PTCHD4: variants seen among roughly 807,000 people sequenced by gnomAD.
The protein encoded by PTCHD4 is patched domain-containing protein 4.
A neutral mutation model predicts 58.1 loss-of-function variants in PTCHD4; 33 were observed. The observed-to-expected ratio is 0.57, with a 90% confidence interval of 0.43 to 0.76. PTCHD4 has a LOEUF of 0.76. Ranked by LOEUF, PTCHD4 falls within the 30% of genes least tolerant of loss-of-function variation. The probability of loss-of-function intolerance (pLI) is 0.00; values close to 1 mark genes in which losing one functional copy is unlikely to be tolerated. For synonymous variants in PTCHD4, 478 were observed against 409.6 expected (o/e 1.17, Z -2.02); for missense variants, 1,058 against 1,027.1 (o/e 1.03, Z -0.41).
chr6:48,016,183 A>G (rs1395724067), intron 3 of PTCHD4, among the ~76,000 whole-genome samples: 1 of 151,974 alleles, frequency 6.6e-6, no homozygotes, highest in East Asian at 1.9e-4. Context: ...AAGAATTTGC[A>G]TGTATCATGG....
chr6:47,925,070 T>C (rs968482124), intron 4 of PTCHD4, among the ~76,000 whole-genome samples: 2 of 149,954 alleles, frequency 1.3e-5, no homozygotes, highest in Admixed American at 1.3e-4. Flanking sequence ...ATTTTATATA[T>C]ATAAAAAAGC....
chr6:47,917,870 A>T (rs965135750), intron 4 of PTCHD4, among the ~76,000 whole-genome samples: 1 of 152,190 alleles, frequency 6.6e-6, no homozygotes, highest in African/African-American at 2.4e-5. Context: ...AACCATGAAA[A>T]GTGTACAAGA....
rs753515083 is a variant in PTCHD4 at position 48,068,623 on chromosome 6, C to T, written c.24G>A (p.Ala8=). MRRPGAP[A]SWIWWRMLRQ... is the part of the protein sequence containing the mutation. ...GCAGCATCCTCCACCAGATCCAGCT[C>T]GCAGGCGCTCCCGGCCGTCTTAAAA... is the stretch of plus-strand genomic sequence containing the variant. Residue 8 remains alanine, a synonymous_variant, in exon 3 of 5, where the codon GCG becomes GCA. Transcript: ENST00000339488. The surrounding 1 kb of genome is among the most constrained non-coding windows in gnomAD (Gnocchi z 4.2). 2.6e-6 allele frequency: 4 copies of T among 1,562,520 alleles called. No homozygotes were observed. Among genetic ancestry groups the T allele is most frequent in the Middle Eastern group, 1.7e-4 (1 of 5,950 alleles).
In PTCHD4 at chr6:47,879,456, A is replaced by C. The variant is rs1189991392; in HGVS notation, c.1379T>G (p.Val460Gly). The C allele has an allele frequency of 6.2e-7, 1 of 1,613,680 alleles. No individual in the cohort carries two copies. Among genetic ancestry groups the C allele is most frequent in the Non-Finnish European group, 8.5e-7 (1 of 1,179,724 alleles). ...HYNEWITNIY[V>G]KPFVVILYLI... The stretch of plus-strand genomic sequence containing the variant: ...ATAGAGGATGACAACAAATGGCTTC[A>C]CATATATATTGGTAATCCATTCATT... Residue 460 changes from valine (V) to glycine (G), a missense_variant, in exon 5 of 5, where the codon GTG becomes GGG. Coordinates refer to ENST00000339488, the MANE Select transcript of PTCHD4 (RefSeq NM_001384253.1).
intron 4 of PTCHD4, among the ~76,000 whole-genome samples, chr6:48,000,707 T>C (rs1768686938): frequency 6.6e-6 from 1 of 152,204 alleles, no homozygotes; most frequent in Non-Finnish European, 1.5e-5. Flanking sequence ...TATCTGGATC[T>C]GTCCATGTAT....
chr6:47,874,918 G>A lies in PTCHD4; in HGVS notation c.*3385C>T, dbSNP rs1359312648. Among the ~76,000 whole-genome samples, 6 of 151,604 alleles carry A rather than the reference G, an allele frequency of 4.0e-5. No homozygotes were observed. The highest frequency in any genetic ancestry group is 9.7e-5 in the African/African-American group (4 of 41,356). ...GGTATGATTACCTTTAACCATAAACGGTAAAAAATCTTTTAGCTGATCTCT... is the reference window on the plus strand; with the variant it reads ...GGTATGATTACCTTTAACCATAAACAGTAAAAAATCTTTTAGCTGATCTCT... On this transcript the variant is annotated 3_prime_UTR_variant, in exon 5 of 5. Transcript: ENST00000339488.
At chr6:48,081,641 T>C (rs1283709836) in intron 1 of PTCHD4, among the ~76,000 whole-genome samples, 1 of 152,212 alleles carries the variant, frequency 6.6e-6, no homozygotes, top group Admixed American at 6.5e-5. Flanking sequence ...AAAGTGCTTA[T>C]CTGACATCAA....
intron 1 of PTCHD4, among the ~76,000 whole-genome samples, chr6:48,087,691 G>A (rs547490515): frequency 2.9e-4 from 44 of 152,100 alleles, no homozygotes; most frequent in Non-Finnish European, 3.4e-4. Context: ...CAGAATTATC[G>A]TTCTTCAAAG....
chr6:47,888,442 T>C (rs1232635537), intron 4 of PTCHD4, among the ~76,000 whole-genome samples: 1 of 152,178 alleles, frequency 6.6e-6, no homozygotes, highest in Non-Finnish European at 1.5e-5. Context: ...ACTCAGTCCT[T>C]AGCACTCAGG....
intron 4 of PTCHD4, among the ~76,000 whole-genome samples, chr6:47,894,126 T>C (rs1764459941): frequency 6.6e-6 from 1 of 152,174 alleles, no homozygotes; most frequent in Admixed American, 6.5e-5. Context: ...GCCAGAGGAC[T>C]CTCTCAGAAA....
chr6:47,939,790 G>A (rs765620138), intron 4 of PTCHD4, among the ~76,000 whole-genome samples: 1 of 152,046 alleles, frequency 6.6e-6, no homozygotes, highest in Non-Finnish European at 1.5e-5. Flanking sequence ...TCTCACCGCA[G>A]TTTTACCTGT....
intron 3 of PTCHD4, among the ~76,000 whole-genome samples, chr6:48,067,076 A>G (rs1764825324): frequency 6.6e-6 from 1 of 152,160 alleles, no homozygotes; most frequent in African/African-American, 2.4e-5. Flanking sequence ...TTCTTTGGAA[A>G]CACCTGTCTT....
At chr6:47,950,069 C>T (rs1766582982) in intron 4 of PTCHD4, among the ~76,000 whole-genome samples, 1 of 143,760 alleles carries the variant, frequency 7.0e-6, no homozygotes, top group East Asian at 2.1e-4. Flanking sequence ...TGTGACGTTC[C>T]CCTTCCTGTG....
chr6:47,949,353 GAT>G (rs1280086396), intron 4 of PTCHD4, among the ~76,000 whole-genome samples: 1 of 152,188 alleles, frequency 6.6e-6, no homozygotes, highest in Non-Finnish European at 1.5e-5. Flanking sequence ...AGCATTAAAA[GAT>G]ATGACCAGGT....
At chr6:47,901,707 G>A (rs1308080712) in intron 4 of PTCHD4, 1 of 1,165,598 alleles carries the variant, frequency 8.6e-7, no homozygotes, top group Non-Finnish European at 1.1e-6. Flanking sequence ...AAAAAATAGA[G>A]GGCTGGGTTC....
At chr6:48,096,898 T>C (rs569336221) in intron 1 of PTCHD4, among the ~76,000 whole-genome samples, 1 of 152,284 alleles carries the variant, frequency 6.6e-6, no homozygotes, top group East Asian at 1.9e-4. Context: ...CATTGATTAT[T>C]TGACTGTTTC....
In PTCHD4 at chr6:47,875,876, C is replaced by T. The variant is rs559561334; in HGVS notation, c.*2427G>A. Among the ~76,000 whole-genome samples the T allele has an allele frequency of 2.2e-4, 33 of 151,746 alleles. No homozygotes were observed. The highest frequency in any genetic ancestry group is 7.9e-4 in the Admixed American group (12 of 15,198). On this transcript the variant is annotated 3_prime_UTR_variant, in exon 5 of 5. Transcript: ENST00000339488. ...CTATAGGAACCAAGAAAAAACCAAC[C>T]CCAATAGCCAATCTTTTAAAAAATA...
At chr6:47,909,629 G>T (rs1358796625) in intron 4 of PTCHD4, among the ~76,000 whole-genome samples, 1 of 152,032 alleles carries the variant, frequency 6.6e-6, no homozygotes, top group Non-Finnish European at 1.5e-5. Context: ...TTTTTGTAGA[G>T]ACAGGGTATC....
At chr6:47,942,374 G>A (rs973120254) in intron 4 of PTCHD4, among the ~76,000 whole-genome samples, 1 of 152,170 alleles carries the variant, frequency 6.6e-6, no homozygotes, top group Non-Finnish European at 1.5e-5. Flanking sequence ...AAACCCATGA[G>A]TATGTAAGGG....
Sources: gnomAD v4.1 joint callset for allele counts (sites outside exome capture counted in the v4.1 genomes callset) on GRCh38, gnomAD v4.1.1 for gene constraint, Gnocchi (gnomAD v3.1) non-coding constraint, MANE v1.5 for transcripts, NCBI Gene and HGNC (gene_info 2026-07-23, HGNC 2026-07-21) for gene names.